RIMBP2: variants seen among roughly 807,000 people sequenced by gnomAD.
The protein encoded by RIMBP2 is RIMS-binding protein 2.
A neutral mutation model predicts 118.6 loss-of-function variants in RIMBP2; 48 were observed. That is an observed-to-expected ratio of 0.40 (90% CI 0.32 to 0.51). The LOEUF (loss-of-function observed/expected upper bound fraction) is 0.51. Ranked by LOEUF, RIMBP2 falls within the 20% of genes least tolerant of loss-of-function variation. RIMBP2 has a pLI of 0.41. For synonymous variants in RIMBP2, 762 were observed against 742.9 expected, an observed-to-expected ratio of 1.03 and a Z score of -0.42; for missense variants, 1,551 against 1,768.3, an observed-to-expected ratio of 0.88 and a Z score of 2.20.
intron 12 of RIMBP2, among the ~76,000 whole-genome samples, chr12:130,437,578 T>TG (rs1566032994): frequency 6.6e-6 from 1 of 152,188 alleles, no homozygotes; most frequent in African/African-American, 2.4e-5. Flanking sequence ...TCTGAGTAGA[T>TG]GCAGGGGCCA....
At chr12:130,677,322 G>A (rs534129921) in intron 1 of RIMBP2, among the ~76,000 whole-genome samples, 36 of 152,196 alleles carry the variant, frequency 2.4e-4, no homozygotes, top group African/African-American at 7.0e-4. Flanking sequence ...ATGAGTGAGC[G>A]TCTTCCATTA....
chr12:130,496,045 T>C (rs773903810), intron 4 of RIMBP2, among the ~76,000 whole-genome samples: 9 of 152,200 alleles, frequency 5.9e-5, no homozygotes, highest in South Asian at 2.1e-4. Flanking sequence ...CTGTAAAGCA[T>C]TGTGGACCAC....
chr12:130,514,783 G>T (rs191212448), intron 3 of RIMBP2, among the ~76,000 whole-genome samples: 8 of 152,304 alleles, frequency 5.3e-5, no homozygotes, highest in African/African-American at 1.9e-4. Flanking sequence ...CAGTGTGAGT[G>T]AGTTTAGCAG....
intron 21 of RIMBP2, among the ~76,000 whole-genome samples, chr12:130,405,018 A>AG (rs2075026750): frequency 6.6e-6 from 1 of 152,224 alleles, no homozygotes; most frequent in Non-Finnish European, 1.5e-5. Flanking sequence ...TCTCATAGTT[A>AG]GGAAAAAATG....
In RIMBP2 at chr12:130,431,119, G is replaced by T. The variant is rs1335619319; in HGVS notation, c.2254-2782C>A. Among the ~76,000 whole-genome samples the T allele has an allele frequency of 1.3e-5, 2 of 152,162 alleles. No individual in the cohort carries two copies. Among genetic ancestry groups the T allele is most frequent in the African/African-American group, 4.8e-5 (2 of 41,430 alleles). On this transcript the variant is annotated intron_variant, in intron 14 of 22. Coordinates refer to ENST00000690449, the MANE Select transcript of RIMBP2 (RefSeq NM_001393629.1). The surrounding 1 kb of genome is among the most constrained non-coding windows in gnomAD (Gnocchi z 4.0). Reference sequence around the variant, plus strand: ...TTTGTAATATTGGGAGAATGGAGGTGATTTTTTCAGAGCAAATGTCCCAGC... The same window carrying T: ...TTTGTAATATTGGGAGAATGGAGGTTATTTTTTCAGAGCAAATGTCCCAGC...
At chr12:130,572,228 A>AG (rs1334550458) in intron 2 of RIMBP2, among the ~76,000 whole-genome samples, 8 of 152,220 alleles carry the variant, frequency 5.3e-5, no homozygotes, top group African/African-American at 1.2e-4. Flanking sequence ...TGTTAGGAGG[A>AG]GGGGCCTCCC....
chr12:130,525,463 A>T lies in RIMBP2; in HGVS notation c.-216-7546T>A, dbSNP rs1348099842. On this transcript the variant is annotated intron_variant, in intron 2 of 22. Coordinates refer to ENST00000690449, the MANE Select transcript of RIMBP2 (RefSeq NM_001393629.1). This position sits in a 1 kb window ranked among gnomAD's most constrained non-coding sequence, Gnocchi z 4.4. ...TGCTTAGAGCCTCCTAGGGGCATGGATGACTAAGGAAGGTAGAGAATGCCC... is the reference window on the plus strand; with the variant it reads ...TGCTTAGAGCCTCCTAGGGGCATGGTTGACTAAGGAAGGTAGAGAATGCCC... 2.6e-5 allele frequency among the ~76,000 whole-genome samples: 4 copies of T among 152,160 alleles called. No individual in the cohort carries two copies. Among genetic ancestry groups the T allele is most frequent in the African/African-American group, 9.7e-5 (4 of 41,444 alleles).
intron 1 of RIMBP2, among the ~76,000 whole-genome samples, chr12:130,674,874 C>T (rs1386501585): frequency 6.6e-6 from 1 of 152,188 alleles, no homozygotes; most frequent in African/African-American, 2.4e-5. Context: ...CGTGGCCTTC[C>T]GGGTCCGGCC....
chr12:130,599,199 TTTAGA>T lies in RIMBP2; in HGVS notation c.-217+29118_-217+29122del, dbSNP rs541474486. Among the ~76,000 whole-genome samples, 356 of 152,330 alleles carry T rather than the reference TTTAGA, an allele frequency of 2.3e-3. 2 individuals carry two copies. Among genetic ancestry groups the T allele is most frequent in the Non-Finnish European group, 3.6e-3 (246 of 68,024 alleles). On this transcript the variant is annotated intron_variant, in intron 2 of 22. Transcript: ENST00000690449. ...GCAAAATAGATCATCAATTTGTGAC[TTTAGA>T]TTAAACAACTTTTTTTAGATCTGAC...
intron 6 of RIMBP2, among the ~76,000 whole-genome samples, chr12:130,461,782 C>T (rs1167098497): frequency 6.6e-6 from 1 of 152,172 alleles, no homozygotes; most frequent in East Asian, 1.9e-4. Context: ...TTGCCTTCTG[C>T]CATGATTGTA....
chr12:130,646,754 G>A lies in RIMBP2; in HGVS notation c.-351-18298C>T, dbSNP rs191309089. Among the ~76,000 whole-genome samples the A allele has an allele frequency of 2.7e-3, 406 of 152,370 alleles. 2 individuals are homozygous for A. Among genetic ancestry groups the A allele is most frequent in the Non-Finnish European group, 4.4e-3 (301 of 68,038 alleles). On this transcript the variant is annotated intron_variant, in intron 1 of 22. Coordinates refer to ENST00000690449, the MANE Select transcript of RIMBP2 (RefSeq NM_001393629.1). The stretch of plus-strand genomic sequence containing the variant: ...ATCTCCTACAGGGCAAGAGAAAGCC[G>A]CCTCCAGGGGCGAATGATTTATTGC...
At position 130,523,336 on chromosome 12, in the gene RIMBP2, G is replaced by T. The variant is rs2052382330; in HGVS notation, c.-216-5419C>A. Among the ~76,000 whole-genome samples the T allele has an allele frequency of 6.6e-6, 1 of 152,192 alleles. No individual in the cohort carries two copies. The highest frequency in any genetic ancestry group is 2.4e-5 in the African/African-American group (1 of 41,442). On this transcript the variant is annotated intron_variant, in intron 2 of 22. Coordinates refer to ENST00000690449, the MANE Select transcript of RIMBP2 (RefSeq NM_001393629.1). This position sits in a 1 kb window ranked among gnomAD's most constrained non-coding sequence, Gnocchi z 4.4. ...CAGGAACCGAATCAGCCAGCACCTT[G>T]GTCTTAGACTTCCAGCCTCCAGGAC...
Position 130,420,597 on chromosome 12 carries a change from TAAAA to T in RIMBP2, c.3238+1852_3238+1855del, listed in dbSNP as rs145217312. 1.3e-5 allele frequency among the ~76,000 whole-genome samples: 2 copies of T among 151,326 alleles called. No homozygotes were observed. Among genetic ancestry groups the T allele is most frequent in the African/African-American group, 4.9e-5 (2 of 41,182 alleles). ...TTCTCACTGCTGATGAATGCAGTTTTAAAAAAAAAGTCTCAACAATATACAGCCA... is the reference window on the plus strand; with the variant it reads ...TTCTCACTGCTGATGAATGCAGTTTTAAAAAGTCTCAACAATATACAGCCA... On this transcript the variant is annotated intron_variant, in intron 17 of 22. Coordinates refer to ENST00000690449, the MANE Select transcript of RIMBP2 (RefSeq NM_001393629.1). The surrounding 1 kb of genome is among the most constrained non-coding windows in gnomAD (Gnocchi z 4.3).
chr12:130,559,364 C>T (rs1431649627), intron 2 of RIMBP2, among the ~76,000 whole-genome samples: 1 of 152,104 alleles, frequency 6.6e-6, no homozygotes, highest in African/African-American at 2.4e-5. Flanking sequence ...CTCCTCTCTG[C>T]CCCCGTGAGT....
intron 1 of RIMBP2, among the ~76,000 whole-genome samples, chr12:130,714,933 T>C (rs928004443): frequency 1.3e-5 from 2 of 152,160 alleles, no homozygotes; most frequent in African/African-American, 4.8e-5. Flanking sequence ...GGTGATTTTT[T>C]AGAGCCTTCC....
chr12:130,654,197 C>T (rs548993985), intron 1 of RIMBP2, among the ~76,000 whole-genome samples: 10 of 152,230 alleles, frequency 6.6e-5, no homozygotes, highest in Non-Finnish European at 1.3e-4. Context: ...TCCTTTTTAA[C>T]TATAAGTTCC....
intron 12 of RIMBP2, 30 bp downstream of exon 12, chr12:130,438,335 A>AACCCCCCCCC: frequency 3.5e-6 from 3 of 865,012 alleles, no homozygotes; most frequent in Non-Finnish European, 5.7e-6. Context: ...GGCCTAACAA[A>AACCCCCCCCC]CCCTCCCCAC....
Position 130,687,613 on chromosome 12 carries a change from A to C in RIMBP2, c.-352+28609T>G, listed in dbSNP as rs370846721. Among the ~76,000 whole-genome samples, 16 of 152,316 alleles carry C rather than the reference A, an allele frequency of 1.1e-4. No individual in the cohort carries two copies. The East Asian group carries it at 1.5e-3, about 15-fold the overall frequency. On this transcript the variant is annotated intron_variant, in intron 1 of 22. Coordinates refer to ENST00000690449, the MANE Select transcript of RIMBP2 (RefSeq NM_001393629.1). ...GGTGACTGGGCATTGAACAAAGTAG[A>C]TGAATAAATACAAGTTGTACTTTCA...
intron 12 of RIMBP2, 32 bp downstream of exon 12, chr12:130,438,333 A>AAGCCC: frequency 3.5e-6 from 5 of 1,434,700 alleles, no homozygotes; most frequent in Non-Finnish European, 4.9e-6. Context: ...AGGGCCTAAC[A>AAGCCC]AACCCTCCCC....
Sources: allele counts gnomAD v4.1 joint callset (sites outside exome capture counted in the v4.1 genomes callset), GRCh38; gene constraint gnomAD v4.1.1; non-coding constraint Gnocchi (gnomAD v3.1); transcripts MANE v1.5; gene names NCBI Gene and HGNC (gene_info 2026-07-23, HGNC 2026-07-21).